The following MGAM2 variants were observed in gnomAD, a reference collection of about 807,000 sequenced individuals.
MGAM2 encodes the protein probable maltase-glucoamylase 2.
MGAM2 carries 98 observed loss-of-function variants against 96.1 expected under a neutral mutation model. The observed-to-expected ratio is 1.02, with a 90% confidence interval of 0.87 to 1.21. The LOEUF (loss-of-function observed/expected upper bound fraction) is 1.21, where lower values mean the gene tolerates loss of function less well. Among genes scored for constraint, MGAM2 ranks in the 50% most tolerant of loss-of-function variants. MGAM2 has a pLI of 0.00. For missense variants in MGAM2, 2,055 were observed against 1,182.4 expected, an observed-to-expected ratio of 1.74 and a Z score of -10.82; for synonymous variants, 749 against 414.8, an observed-to-expected ratio of 1.81 and a Z score of -9.79.
intron 45 of MGAM2, among the ~76,000 whole-genome samples, chr7:142,207,653 G>A (rs2129104136): frequency 6.6e-6 from 1 of 152,006 alleles, no homozygotes; most frequent in African/African-American, 2.4e-5. Context: ...ACGGTCTCGA[G>A]CTCCTGACCT....
Position 142,218,505 on chromosome 7 carries a change from A to G in MGAM2, c.5332A>G (p.Asn1778Asp), listed in dbSNP as rs1486454423. The G allele has an allele frequency of 5.7e-6, 4 of 700,544 alleles. No homozygotes were observed. Among genetic ancestry groups the G allele is most frequent in the African/African-American group, 1.7e-5 (1 of 57,310 alleles). 43.4% of individuals were successfully genotyped at this position (700,544 alleles called of 1,614,324 possible). Residue 1778 changes from asparagine to aspartate, a missense_variant, in exon 47 of 48, where the codon AAT becomes GAT. Asn to Asp is a conservative substitution (Grantham distance 23). Transcript: ENST00000477922. ...TYDNRQFMET[N>D]FKSEPYNQIL... ...TGACAACCGGCAATTTATGGAGACA[A>G]ATTTCAAGAGTGAACCTTATAATCA...
rs1797906848 is a variant in MGAM2 at position 142,220,924 on chromosome 7, T to A, written c.6413T>A (p.Ile2138Asn). The change falls in exon 48 of 48, where the codon ATT (isoleucine) becomes AAT (asparagine). Residue 2138 changes from isoleucine (I) to asparagine (N), a missense_variant. By Grantham distance (149) the Ile-to-Asn change is moderately radical (BLOSUM62 -3). Transcript: ENST00000477922. ...GTTDVSTSTT[I>N]NNISTPVQTN... ...ACTGATGTTAGCACTAGTACTACTA[T>A]TAATAATATAAGTACTCCTGTTCAA... 1 of 701,644 alleles carries A rather than the reference T, an allele frequency of 1.4e-6. No homozygotes were observed. Among genetic ancestry groups the A allele is most frequent in the Admixed American group, 2.0e-5 (1 of 49,780 alleles). 43.5% of individuals were successfully genotyped at this position (701,644 alleles called of 1,614,324 possible). A position where few individuals can be genotyped will look rare whatever the true frequency, so the allele number is the denominator to read the frequency against.
intron 33 of MGAM2, among the ~76,000 whole-genome samples, chr7:142,183,716 T>C (rs1488609396): frequency 1.3e-5 from 2 of 152,228 alleles, no homozygotes; most frequent in African/African-American, 4.8e-5. Flanking sequence ...ACCTTTGACC[T>C]ATCATGCTTA....
At chr7:142,132,603 T>G (rs1358061969) in intron 6 of MGAM2, among the ~76,000 whole-genome samples, 3 of 129,322 alleles carry the variant, frequency 2.3e-5, no homozygotes, top group African/African-American at 9.1e-5. Context: ...AATTTATATA[T>G]TTAATACATA....
chr7:142,214,168 T>C (rs535795517), intron 46 of MGAM2, among the ~76,000 whole-genome samples: 3 of 152,224 alleles, frequency 2.0e-5, no homozygotes, highest in Non-Finnish European at 2.9e-5. Flanking sequence ...AAAAATAATA[T>C]GAGCTATTTA....
intron 15 of MGAM2, among the ~76,000 whole-genome samples, chr7:142,149,100 G>A (rs747293236): frequency 1.3e-4 from 19 of 151,906 alleles, no homozygotes; most frequent in Non-Finnish European, 1.5e-4. Flanking sequence ...GGTGGCAGGC[G>A]CACCTGTAAT....
In MGAM2 at chr7:142,207,056, G is replaced by C. The variant is rs79478336; in HGVS notation, c.5138-1517G>C. Among the ~76,000 whole-genome samples the C allele has an allele frequency of 8.7e-3, 1,322 of 152,330 alleles. 22 individuals are homozygous for C. Among genetic ancestry groups the C allele is most frequent in the African/African-American group, 0.029 (1,197 of 41,562 alleles). On this transcript the variant is annotated intron_variant, in intron 45 of 47. Coordinates refer to ENST00000477922, the MANE Select transcript of MGAM2 (RefSeq NM_001293626.2). ...GGAGGTAATTTAGAATACTTCGAGA[G>C]TTAGTTGGTTTGGGAGAGAATATGT...
chr7:142,115,707 T>C (rs889041164), intron 1 of MGAM2, among the ~76,000 whole-genome samples: 26 of 151,956 alleles, frequency 1.7e-4, no homozygotes, highest in African/African-American at 6.3e-4. Context: ...TAGCAGGGCA[T>C]GGTGACGCAT....
At chr7:142,189,325 C>T (rs1387052294) in intron 36 of MGAM2, 42 bp from the exon 37 acceptor site, 4 of 626,704 alleles carry the variant, frequency 6.4e-6, no homozygotes, top group Non-Finnish European at 1.2e-5. Flanking sequence ...AGTGAATGTG[C>T]AAATCATGTT....
chr7:142,153,965 G>T (rs2129084433), intron 15 of MGAM2, 53 bp from the exon 16 acceptor site: 2 of 535,546 alleles, frequency 3.7e-6, no homozygotes, highest in South Asian at 5.6e-5. Context: ...TGTAAGGTGA[G>T]TCCTAGACAT....
intron 32 of MGAM2, among the ~76,000 whole-genome samples, chr7:142,177,274 T>C (rs1796407925): frequency 6.6e-6 from 1 of 152,056 alleles, no homozygotes; most frequent in Non-Finnish European, 1.5e-5. Flanking sequence ...TCAGGGAAAC[T>C]CCCCTTTTTA....
intron 32 of MGAM2, among the ~76,000 whole-genome samples, chr7:142,176,291 A>G (rs1214603192): frequency 1.3e-5 from 2 of 152,196 alleles, no homozygotes; most frequent in Non-Finnish European, 2.9e-5. Flanking sequence ...ATACCAATTT[A>G]TTATATTACT....
chr7:142,187,862 T>C (rs758807982), intron 36 of MGAM2, 28 bp downstream of exon 36: 2 of 697,974 alleles, frequency 2.9e-6, no homozygotes, highest in Admixed American at 2.0e-5. Flanking sequence ...TTCATCAACT[T>C]ACTTTCCTAC....
chr7:142,200,067 C>G (rs1417944248), intron 45 of MGAM2, 99 bp downstream of exon 45: 1 of 509,194 alleles, frequency 2.0e-6, no homozygotes, highest in Non-Finnish European at 3.5e-6. Context: ...CTCTCTCTGC[C>G]TATTGTCAAT....
At chr7:142,206,249 A>C (rs1224436403) in intron 45 of MGAM2, among the ~76,000 whole-genome samples, 1 of 152,132 alleles carries the variant, frequency 6.6e-6, no homozygotes, top group Non-Finnish European at 1.5e-5. Flanking sequence ...CTTTTTCAAA[A>C]ATGGGCCTTA....
At chr7:142,193,144 T>A (rs546929651) in intron 37 of MGAM2, among the ~76,000 whole-genome samples, 28 of 152,292 alleles carry the variant, frequency 1.8e-4, no homozygotes, top group South Asian at 2.1e-4. Flanking sequence ...ATATATATAT[T>A]TTTTAATTCC....
rs560596233 is a variant in MGAM2 at position 142,143,809 on chromosome 7, C to T, written c.1358C>T (p.Pro453Leu). Residue 453 changes from proline to leucine, a missense_variant, in exon 13 of 48, where the codon CCA becomes CTA. By Grantham distance (98) the Pro-to-Leu change is moderately conservative. Transcript: ENST00000477922. ...GPTVFPDYTNPVCTEWWTDQV... is the reference protein window; with the variant it reads ...GPTVFPDYTNLVCTEWWTDQV... ...ACAGTCTTTCCCGATTATACCAATC[C>T]AGTATGCACTGAGTGGTGGACAGAT... 2.9e-4 allele frequency: 203 copies of T among 697,284 alleles called. No homozygotes were observed. Among genetic ancestry groups the T allele is most frequent in the African/African-American group, 2.9e-3 (166 of 57,290 alleles). 43.2% of individuals were successfully genotyped at this position (697,284 alleles called of 1,614,324 possible). A position where few individuals can be genotyped will look rare whatever the true frequency, so the allele number is the denominator to read the frequency against.
At chr7:142,186,840 ATAGT>A (rs1796714904) in intron 35 of MGAM2, among the ~76,000 whole-genome samples, 1 of 152,198 alleles carries the variant, frequency 6.6e-6, no homozygotes, top group African/African-American at 2.4e-5. Flanking sequence ...CACCTTTGAG[ATAGT>A]TAGGCACAGA....
chr7:142,192,415 G>A (rs1796898108), intron 37 of MGAM2, among the ~76,000 whole-genome samples: 1 of 152,088 alleles, frequency 6.6e-6, no homozygotes, highest in Non-Finnish European at 1.5e-5. Context: ...CCTTACCTTG[G>A]AAGAGTACAA....
Sources: gnomAD v4.1 joint callset for allele counts (sites outside exome capture counted in the v4.1 genomes callset) on GRCh38, gnomAD v4.1.1 for gene constraint, MANE v1.5 for transcripts, NCBI Gene and HGNC (gene_info 2026-07-23, HGNC 2026-07-21) for gene names.